SUMF1: variants seen among roughly 807,000 people sequenced by gnomAD.
SUMF1 encodes formylglycine-generating enzyme.
Under a neutral mutation model 47.6 loss-of-function variants are expected in SUMF1, and 48 were observed. The ratio of observed to expected loss-of-function variants is 1.01; its 90% CI spans 0.80 to 1.28. SUMF1 has a LOEUF of 1.28. Among genes scored for constraint, SUMF1 ranks in the 50% most tolerant of loss-of-function variants. The probability of loss-of-function intolerance (pLI) is 0.00; values close to 1 mark genes in which losing one functional copy is unlikely to be tolerated. For missense variants in SUMF1, 571 were observed against 485.4 expected, an observed-to-expected ratio of 1.18 and a Z score of -1.66; for synonymous variants, 230 against 192.1, an observed-to-expected ratio of 1.20 and a Z score of -1.63.
At chr3:4,252,554 C>A (rs1450972616) in intron 8 of SUMF1, among the ~76,000 whole-genome samples, 1 of 152,120 alleles carries the variant, frequency 6.6e-6, no homozygotes, top group Admixed American at 6.5e-5. Flanking sequence ...AAGCTCATTA[C>A]CAGCCTGCCT....
At chr3:4,314,216 A>T (rs1698543125) in intron 8 of SUMF1, 1 of 167,864 alleles carries the variant, frequency 6.0e-6, no homozygotes, top group Non-Finnish European at 1.3e-5. Flanking sequence ...GTCAGTCGTG[A>T]TCTGACACCT....
Position 4,446,001 on chromosome 3 carries a change from C to T in SUMF1, c.519+3265G>A, listed in dbSNP as rs115565379. ...TCACCTTTGAAGAACAGTAGGGAAC[C>T]AATTCATTATCTTAAAAGCTAGTAA... On this transcript the variant is annotated intron_variant, in intron 3 of 8. Transcript: ENST00000272902. Among the ~76,000 whole-genome samples the T allele has an allele frequency of 6.5e-3, 982 of 152,216 alleles. 11 individuals are homozygous for T. The highest frequency in any genetic ancestry group is 0.022 in the African/African-American group (926 of 41,524).
intron 8 of SUMF1, among the ~76,000 whole-genome samples, chr3:4,228,804 A>G (rs1181718075): frequency 6.6e-6 from 1 of 152,140 alleles, no homozygotes; most frequent in Non-Finnish European, 1.5e-5. Flanking sequence ...GCAGCACTAG[A>G]AAGAGATGCC....
At chr3:4,138,938 A>C (rs11129894) in intron 8 of SUMF1, among the ~76,000 whole-genome samples, 4 of 151,982 alleles carry the variant, frequency 2.6e-5, no homozygotes, top group Non-Finnish European at 5.9e-5. Context: ...TTTTTTATAT[A>C]TTATGACATA....
chr3:4,146,019 G>A (rs1448969152), intron 8 of SUMF1, among the ~76,000 whole-genome samples: 2 of 152,090 alleles, frequency 1.3e-5, no homozygotes, highest in African/African-American at 4.8e-5. Flanking sequence ...TGTCGACTTG[G>A]TCTCACTGTG....
intron 8 of SUMF1, among the ~76,000 whole-genome samples, chr3:4,289,152 G>A (rs17040343): frequency 0.065 from 9,851 of 152,232 alleles, 736 homozygotes; most frequent in African/African-American, 0.18. Flanking sequence ...ACGAGGTTTC[G>A]GGAAAATGGG....
chr3:4,287,140 T>C (rs1300314222), intron 8 of SUMF1, among the ~76,000 whole-genome samples: 3 of 152,198 alleles, frequency 2.0e-5, no homozygotes, highest in Non-Finnish European at 4.4e-5. Flanking sequence ...TGAGTTCTTG[T>C]ATGTTTTCAG....
At chr3:4,252,999 C>A (rs1696841729) in intron 8 of SUMF1, among the ~76,000 whole-genome samples, 1 of 152,186 alleles carries the variant, frequency 6.6e-6, no homozygotes, top group African/African-American at 2.4e-5. Context: ...GCTTTCAATG[C>A]AGTTTATCAC....
chr3:4,214,470 G>A (rs1695872317), intron 8 of SUMF1, among the ~76,000 whole-genome samples: 1 of 152,068 alleles, frequency 6.6e-6, no homozygotes, highest in African/African-American at 2.4e-5. Context: ...ATCTAAAATT[G>A]ACACCCTAAC....
chr3:4,136,771 A>G (rs993761118), intron 8 of SUMF1, among the ~76,000 whole-genome samples: 4 of 151,296 alleles, frequency 2.6e-5, no homozygotes, highest in Admixed American at 6.6e-5. Context: ...AAACAAATTT[A>G]CAAGAAAAAA....
At chr3:4,271,674 T>A (rs1196748850) in intron 8 of SUMF1, among the ~76,000 whole-genome samples, 2 of 152,082 alleles carry the variant, frequency 1.3e-5, no homozygotes, top group African/African-American at 4.8e-5. Flanking sequence ...GCTAATTAAT[T>A]TTATTTTGTA....
At chr3:4,237,998 T>A (rs1229017278) in intron 8 of SUMF1, among the ~76,000 whole-genome samples, 1 of 152,126 alleles carries the variant, frequency 6.6e-6, no homozygotes, top group Non-Finnish European at 1.5e-5. Context: ...TTCTCATTGT[T>A]CAACTCCCAC....
intron 8 of SUMF1, among the ~76,000 whole-genome samples, chr3:4,174,582 A>T (rs1421222664): frequency 2.6e-5 from 4 of 152,000 alleles, no homozygotes; most frequent in Non-Finnish European, 5.9e-5. Flanking sequence ...AGATGGCCGA[A>T]TAGGAACAGC....
intron 8 of SUMF1, among the ~76,000 whole-genome samples, chr3:4,108,256 T>C (rs920270436): frequency 6.6e-6 from 1 of 152,178 alleles, no homozygotes; most frequent in Admixed American, 6.5e-5. Context: ...TTCTTAATCC[T>C]GAGTTCTAGT....
intron 1 of SUMF1, among the ~76,000 whole-genome samples, chr3:4,462,317 G>A (rs549550928): frequency 6.6e-6 from 1 of 152,156 alleles, no homozygotes; most frequent in Non-Finnish European, 1.5e-5. Flanking sequence ...TACCAGGAAA[G>A]AACTTTTTCT....
At chr3:4,085,791 G>C (rs1692659046) in intron 8 of SUMF1, among the ~76,000 whole-genome samples, 1 of 151,800 alleles carries the variant, frequency 6.6e-6, no homozygotes, top group South Asian at 2.1e-4. Flanking sequence ...TTAATATAAA[G>C]CCCAAAAGTG....
chr3:4,227,249 G>A (rs1163177020), intron 8 of SUMF1, among the ~76,000 whole-genome samples: 1 of 152,072 alleles, frequency 6.6e-6, no homozygotes, highest in African/African-American at 2.4e-5. Flanking sequence ...TTCCACACAT[G>A]ATTACCAAGC....
chr3:4,183,770 G>C (rs916793653), intron 8 of SUMF1, among the ~76,000 whole-genome samples: 1 of 152,130 alleles, frequency 6.6e-6, no homozygotes, highest in Non-Finnish European at 1.5e-5. Context: ...ATGGAAGGTG[G>C]CTAAAAGGAA....
chr3:4,296,910 G>A (rs1261629141), intron 8 of SUMF1, among the ~76,000 whole-genome samples: 1 of 152,168 alleles, frequency 6.6e-6, no homozygotes, highest in Non-Finnish European at 1.5e-5. Context: ...ATATAGTTAT[G>A]TAATGTGAAT....
Sources: allele counts gnomAD v4.1 joint callset (sites outside exome capture counted in the v4.1 genomes callset), GRCh38; gene constraint gnomAD v4.1.1; transcripts MANE v1.5; gene names NCBI Gene and HGNC (gene_info 2026-07-23, HGNC 2026-07-21).